Variants in RBMS3 observed in about 807,000 individuals in gnomAD.
RBMS3 encodes RNA binding motif single stranded interacting protein 3, also known as RNA-binding motif, single-stranded-interacting protein 3.
A neutral mutation model predicts 66.8 loss-of-function variants in RBMS3; 27 were observed. The ratio of observed to expected loss-of-function variants is 0.40; its 90% CI spans 0.30 to 0.56. The LOEUF (loss-of-function observed/expected upper bound fraction) is 0.56, where lower values mean the gene tolerates loss of function less well. RBMS3 is among the 20% of genes least tolerant of loss of function. The pLI is 0.40. For synonymous variants in RBMS3, 188 were observed against 183.0 expected (o/e 1.03, Z -0.22); for missense variants, 513 against 549.5 (o/e 0.93, Z 0.66).
chr3:29,686,834 T>A (rs976539185), intron 4 of RBMS3, among the ~76,000 whole-genome samples: 5 of 152,232 alleles, frequency 3.3e-5, no homozygotes, highest in Non-Finnish European at 5.9e-5. Flanking sequence ...AAATGTTTAT[T>A]GTTTATTTTT....
At chr3:29,554,159 G>A (rs1290643282) in intron 3 of RBMS3, among the ~76,000 whole-genome samples, 1 of 152,106 alleles carries the variant, frequency 6.6e-6, no homozygotes, top group African/African-American at 2.4e-5. Flanking sequence ...CATATTTATA[G>A]TAAGTAGTTT....
chr3:29,481,273 C>A (rs1029163335), intron 2 of RBMS3, among the ~76,000 whole-genome samples: 5 of 152,002 alleles, frequency 3.3e-5, no homozygotes, highest in African/African-American at 1.2e-4. Context: ...AAAGGGATAC[C>A]CATGAATTCC....
intron 5 of RBMS3, among the ~76,000 whole-genome samples, chr3:29,756,544 CA>C (rs2055422671): frequency 6.6e-6 from 1 of 152,014 alleles, no homozygotes; most frequent in Admixed American, 6.6e-5. Context: ...CAGACTTACT[CA>C]CTATCATGAG....
intron 14 of RBMS3, among the ~76,000 whole-genome samples, chr3:30,002,409 A>C (rs141841622): frequency 1.3e-5 from 2 of 152,104 alleles, no homozygotes; most frequent in Admixed American, 1.3e-4. Flanking sequence ...ACACATACAC[A>C]CACAACTATA....
intron 1 of RBMS3, among the ~76,000 whole-genome samples, chr3:29,336,058 A>G (rs549180199): frequency 6.6e-6 from 1 of 152,292 alleles, no homozygotes; most frequent in Non-Finnish European, 1.5e-5. Context: ...TTTGCATCCC[A>G]TAACTTCGTA....
At chr3:29,744,668 G>C (rs34284197) in intron 5 of RBMS3, among the ~76,000 whole-genome samples, 85,120 of 151,352 alleles carry the variant, frequency 0.56, 24,723 homozygotes, top group African/African-American at 0.71. Context: ...CCTGTAATCC[G>C]AGCTACTCGG....
rs1294126975 is a variant in RBMS3 at position 29,691,949 on chromosome 3, A to ATTTTTTT, written c.400-47759_400-47753dup. On this transcript the variant is annotated intron_variant, in intron 4 of 14. Transcript: ENST00000383767. ...GTGACCCTTCTCTCTCTCTCTCTCT[A>ATTTTTTT]TTTTTTTTTTTTTTTTTTGAGATGG... 4.6e-3 allele frequency among the ~76,000 whole-genome samples: 298 copies of ATTTTTTT among 64,966 alleles called. 53 individuals carry two copies. Among genetic ancestry groups the ATTTTTTT allele is most frequent in the African/African-American group, 0.017 (280 of 16,334 alleles). 42.6% of individuals were successfully genotyped at this position (64,966 alleles called of 152,430 possible). A position where few individuals can be genotyped will look rare whatever the true frequency, so the allele number is the denominator to read the frequency against.
At chr3:29,889,006 G>A (rs2059937972) in intron 8 of RBMS3, among the ~76,000 whole-genome samples, 1 of 151,536 alleles carries the variant, frequency 6.6e-6, no homozygotes, top group Non-Finnish European at 1.5e-5. Flanking sequence ...TTAAGCAAAT[G>A]TAACTACAGA....
intron 7 of RBMS3, among the ~76,000 whole-genome samples, chr3:29,877,094 C>A (rs1355407069): frequency 2.0e-5 from 3 of 152,098 alleles, no homozygotes; most frequent in African/African-American, 2.4e-5. Flanking sequence ...TGTAAGAAGG[C>A]AGTAATCATG....
intron 4 of RBMS3, among the ~76,000 whole-genome samples, chr3:29,619,943 C>G (rs562783321): frequency 1.3e-5 from 2 of 151,914 alleles, no homozygotes; most frequent in African/African-American, 4.8e-5. Flanking sequence ...TTTTATGCTC[C>G]CAAGGAACTC....
rs543960228 is a variant in RBMS3 at position 29,580,539 on chromosome 3, A to C, written c.308-6575A>C. Among the ~76,000 whole-genome samples, 12 of 152,150 alleles carry C rather than the reference A, an allele frequency of 7.9e-5. No individual in the cohort carries two copies. The East Asian group carries it at 2.3e-3, about 29-fold the overall frequency. On this transcript the variant is annotated intron_variant, in intron 3 of 14. Coordinates refer to ENST00000383767, the MANE Select transcript of RBMS3 (RefSeq NM_001003793.3). ...TGTGTCTATATGCCATTTAAACATAAACTCCACTGCATTTAAATTTATTTA... is the reference window on the plus strand; with the variant it reads ...TGTGTCTATATGCCATTTAAACATACACTCCACTGCATTTAAATTTATTTA...
intron 3 of RBMS3, among the ~76,000 whole-genome samples, chr3:29,561,432 TTTG>T (rs372349286): frequency 0.017 from 2,463 of 149,000 alleles, 51 homozygotes; most frequent in African/African-American, 0.056. Flanking sequence ...ATCTGTTGTT[TTTG>T]TTGTTGTTGT....
chr3:29,693,474 G>C (rs2052127998), intron 4 of RBMS3, among the ~76,000 whole-genome samples: 1 of 152,100 alleles, frequency 6.6e-6, no homozygotes, highest in African/African-American at 2.4e-5. Context: ...GATGGGAAAA[G>C]CATGCCAATT....
At chr3:29,409,426 A>G (rs1431856266) in intron 1 of RBMS3, among the ~76,000 whole-genome samples, 3 of 152,214 alleles carry the variant, frequency 2.0e-5, no homozygotes, top group Non-Finnish European at 4.4e-5. Context: ...CATATGTTTC[A>G]GCCCTAACAC....
At chr3:29,482,929 A>C (rs1163581563) in intron 2 of RBMS3, among the ~76,000 whole-genome samples, 2 of 151,438 alleles carry the variant, frequency 1.3e-5, no homozygotes, top group East Asian at 3.9e-4. Context: ...GCTGGTCTCG[A>C]ACTCCTAACC....
chr3:29,973,246 G>A (rs34153262), intron 12 of RBMS3, among the ~76,000 whole-genome samples: 3,929 of 152,078 alleles, frequency 0.026, 128 homozygotes, highest in East Asian at 0.17. Flanking sequence ...ACACTGAAGA[G>A]GGTATGAGCA....
intron 12 of RBMS3, among the ~76,000 whole-genome samples, chr3:29,977,800 ATTG>A (rs1055584304): frequency 8.4e-6 from 1 of 119,392 alleles, no homozygotes; most frequent in African/African-American, 4.5e-5. Flanking sequence ...ATGTCATCTC[ATTG>A]TGCCGTGGTC....
At chr3:29,881,392 G>A (rs573982559) in intron 7 of RBMS3, among the ~76,000 whole-genome samples, 10 of 152,080 alleles carry the variant, frequency 6.6e-5, no homozygotes, top group East Asian at 1.9e-4. Flanking sequence ...CTTTACAAAC[G>A]TAATCTCTTT....
At chr3:29,891,592 C>T (rs73831082) in intron 8 of RBMS3, among the ~76,000 whole-genome samples, 6,234 of 151,496 alleles carry the variant, frequency 0.041, 432 homozygotes, top group African/African-American at 0.14. Flanking sequence ...GAAATATTCC[C>T]TCCCATATTC....
Sources: gnomAD v4.1 joint callset for allele counts (sites outside exome capture counted in the v4.1 genomes callset) on GRCh38, gnomAD v4.1.1 for gene constraint, MANE v1.5 for transcripts, NCBI Gene and HGNC (gene_info 2026-07-23, HGNC 2026-07-21) for gene names.